The following TMEM74 variants were observed in gnomAD, a reference collection of about 807,000 sequenced individuals.
TMEM74 encodes the protein transmembrane protein 74.
A neutral mutation model predicts 18.1 loss-of-function variants in TMEM74; 13 were observed. The ratio of observed to expected loss-of-function variants is 0.72; its 90% CI spans 0.47 to 1.14. The LOEUF is 1.14. Ranked by LOEUF, TMEM74 falls within the 50% of genes most tolerant of loss-of-function variation. The pLI, the probability that TMEM74 is intolerant of heterozygous loss-of-function variation, is 0.00. For missense variants in TMEM74, 372 were observed against 375.9 expected (o/e 0.99, Z 0.09); for synonymous variants, 159 against 146.6 (o/e 1.08, Z -0.61).
intron 1 of TMEM74, among the ~76,000 whole-genome samples, chr8:108,710,566 G>A (rs557539037): frequency 9.2e-5 from 14 of 152,332 alleles, no homozygotes; most frequent in African/African-American, 3.4e-4. Context: ...GGGGGCCGTA[G>A]GCAGGTGAAA....
At chr8:108,751,801 A>G (rs1396372265) in intron 1 of TMEM74, among the ~76,000 whole-genome samples, 1 of 152,148 alleles carries the variant, frequency 6.6e-6, no homozygotes, top group Non-Finnish European at 1.5e-5. Flanking sequence ...AATTTCCCCT[A>G]AATTCATCTC....
chr8:108,647,006 A>C (rs575677269), intron 2 of TMEM74, among the ~76,000 whole-genome samples: 1 of 152,276 alleles, frequency 6.6e-6, no homozygotes, highest in Admixed American at 6.5e-5. Flanking sequence ...CCAAGTATCC[A>C]TTCCCCAAAC....
chr8:108,657,859 A>AATATAT (rs1175396487), intron 1 of TMEM74, among the ~76,000 whole-genome samples: 81 of 49,836 alleles, frequency 1.6e-3, no homozygotes, highest in South Asian at 3.4e-3. Flanking sequence ...AAAAAAAAAA[A>AATATAT]ATATATATAT....
At chr8:108,620,497 C>G (rs370975919) in intron 2 of TMEM74, among the ~76,000 whole-genome samples, 22 of 152,196 alleles carry the variant, frequency 1.4e-4, no homozygotes, top group Middle Eastern at 3.4e-3. Context: ...AAGCCTTTAA[C>G]AATTTTAGAA....
At chr8:108,650,781 G>A (rs1436218244) in intron 2 of TMEM74, among the ~76,000 whole-genome samples, 2 of 152,028 alleles carry the variant, frequency 1.3e-5, no homozygotes, top group African/African-American at 2.4e-5. Flanking sequence ...CATGATCTCA[G>A]CTCACTGCAA....
At chr8:108,658,811 A>C (rs982668802) in intron 1 of TMEM74, among the ~76,000 whole-genome samples, 2 of 152,212 alleles carry the variant, frequency 1.3e-5, no homozygotes, top group African/African-American at 2.4e-5. Flanking sequence ...GATTAGAAAA[A>C]CATAGGTAGT....
At chr8:108,767,219 A>G (rs1328143315) in intron 1 of TMEM74, among the ~76,000 whole-genome samples, 3 of 152,216 alleles carry the variant, frequency 2.0e-5, no homozygotes, top group African/African-American at 7.2e-5. Flanking sequence ...AAACCTAAAC[A>G]CTCATCAGAG....
chr8:108,719,062 A>G (rs980158443), intron 1 of TMEM74, among the ~76,000 whole-genome samples: 9 of 151,910 alleles, frequency 5.9e-5, no homozygotes, highest in Middle Eastern at 3.2e-3. Flanking sequence ...TAAAAATTAC[A>G]TAAATCATTA....
intron 1 of TMEM74, among the ~76,000 whole-genome samples, chr8:108,702,340 A>C (rs1246148151): frequency 8.6e-6 from 1 of 116,210 alleles, no homozygotes; most frequent in Non-Finnish European, 1.8e-5. Flanking sequence ...GTGAGACTCC[A>C]TCTAAAAAAA....
At chr8:108,690,616 C>T (rs1813216558) in intron 1 of TMEM74, among the ~76,000 whole-genome samples, 1 of 151,894 alleles carries the variant, frequency 6.6e-6, no homozygotes, top group Non-Finnish European at 1.5e-5. Flanking sequence ...GAGATCAAGA[C>T]TATCCTGGAT....
chr8:108,744,458 T>C (rs1316753297), intron 1 of TMEM74, among the ~76,000 whole-genome samples: 1 of 152,176 alleles, frequency 6.6e-6, no homozygotes, highest in African/African-American at 2.4e-5. Flanking sequence ...TTAGTATTTA[T>C]ACATTTCCTT....
chr8:108,632,376 C>T (rs1248729788), intron 2 of TMEM74, among the ~76,000 whole-genome samples: 1 of 151,894 alleles, frequency 6.6e-6, no homozygotes, highest in Non-Finnish European at 1.5e-5. Flanking sequence ...ATAACAATAA[C>T]AAAAATAATT....
At chr8:108,756,070 A>G (rs1370775510) in intron 1 of TMEM74, among the ~76,000 whole-genome samples, 1 of 152,056 alleles carries the variant, frequency 6.6e-6, no homozygotes, top group African/African-American at 2.4e-5. Flanking sequence ...ACAACTGAAA[A>G]TGAGAGAGTT....
At chr8:108,723,475 T>TAC (rs1813605514) in intron 1 of TMEM74, among the ~76,000 whole-genome samples, 1 of 152,116 alleles carries the variant, frequency 6.6e-6, no homozygotes, top group African/African-American at 2.4e-5. Flanking sequence ...TATATATATA[T>TAC]GAATATGTTT....
chr8:108,689,780 TAC>T (rs1443724400), intron 1 of TMEM74, among the ~76,000 whole-genome samples: 6 of 152,194 alleles, frequency 3.9e-5, no homozygotes, highest in African/African-American at 1.4e-4. Flanking sequence ...CAGATCAGCT[TAC>T]CCGGCACCTG....
chr8:108,773,616 C>T (rs1814197016), intron 1 of TMEM74, among the ~76,000 whole-genome samples: 1 of 152,106 alleles, frequency 6.6e-6, no homozygotes, highest in Admixed American at 6.6e-5. Context: ...AAAACTGGGC[C>T]ATAAAATCCT....
chr8:108,754,983 A>C (rs1436270975), intron 1 of TMEM74, among the ~76,000 whole-genome samples: 2 of 152,014 alleles, frequency 1.3e-5, no homozygotes, highest in Non-Finnish European at 2.9e-5. Context: ...TGGGAGGGCT[A>C]TCTGCCTTCT....
intron 1 of TMEM74, among the ~76,000 whole-genome samples, chr8:108,721,611 A>T (rs1265245683): frequency 6.6e-6 from 1 of 152,268 alleles, no homozygotes; most frequent in East Asian, 1.9e-4. Flanking sequence ...ACTTTGTGAC[A>T]TATCAGACTG....
rs946374606 is a variant in TMEM74, at chr8:108,782,437, C to A, written c.*1744G>T. 1.1e-4 allele frequency among the ~76,000 whole-genome samples: 17 copies of A among 152,154 alleles called. No individual in the cohort carries two copies. Among genetic ancestry groups the A allele is most frequent in the Admixed American group, 3.3e-4 (5 of 15,274 alleles). On this transcript the variant is annotated 3_prime_UTR_variant, in exon 2 of 2. Coordinates refer to ENST00000297459, the MANE Select transcript of TMEM74 (RefSeq NM_153015.3). ...ATGGCCATATAATTTCTCATTTTTA[C>A]TTAATAATTCTTTCATATGCCCATC... is the stretch of plus-strand genomic sequence containing the variant.
Sources: allele counts gnomAD v4.1 joint callset (sites outside exome capture counted in the v4.1 genomes callset), GRCh38; gene constraint gnomAD v4.1.1; transcripts MANE v1.5; gene names NCBI Gene and HGNC (gene_info 2026-07-23, HGNC 2026-07-21).